Variants in SHANK2 observed in about 807,000 individuals in gnomAD.
The protein encoded by SHANK2 is SH3 and multiple ankyrin repeat domains protein 2.
Under a neutral mutation model 133.7 loss-of-function variants are expected in SHANK2, and 43 were observed. That is an observed-to-expected ratio of 0.32 (90% CI 0.25 to 0.41). The LOEUF is 0.41. Among genes scored for constraint, SHANK2 ranks in the 10% least tolerant of loss-of-function variants. The probability of loss-of-function intolerance (pLI) is 1.00; values close to 1 mark genes in which losing one functional copy is unlikely to be tolerated. For missense variants in SHANK2, 1,994 were observed against 2,235.8 expected (o/e 0.89, Z 2.18); for synonymous variants, 1,017 against 952.8 (o/e 1.07, Z -1.24).
intron 1 of SHANK2, among the ~76,000 whole-genome samples, chr11:71,234,521 G>GC (rs1276406336): frequency 6.6e-6 from 1 of 152,100 alleles, no homozygotes. Flanking sequence ...CACAGGAAAT[G>GC]CCCCCCGCCC....
intron 15 of SHANK2, among the ~76,000 whole-genome samples, chr11:70,667,573 G>A (rs371350218): frequency 3.5e-4 from 53 of 152,302 alleles, no homozygotes; most frequent in African/African-American, 1.2e-3. Context: ...TGGGCGCCAT[G>A]ACAGACTCAC....
rs1555056674 is a variant in SHANK2, at chr11:70,823,842, G to GGC, written c.1175-3161_1175-3160insGC. Among the ~76,000 whole-genome samples the GGC allele has an allele frequency of 1.4e-3, 213 of 150,866 alleles. 1 individual carries two copies. The highest frequency in any genetic ancestry group is 5.1e-3 in the African/African-American group (208 of 40,988). ...GTTCATGAGGGACAGAGGTGGCGTT[G>GGC]ACAGAGCTCCTGGGGGACAGAGGTG... On this transcript the variant is annotated intron_variant, in intron 11 of 25. Transcript: ENST00000601538.
intron 9 of SHANK2, among the ~76,000 whole-genome samples, chr11:71,064,787 C>G (rs954724623): frequency 5.3e-5 from 8 of 152,152 alleles, no homozygotes; most frequent in African/African-American, 1.9e-4. Flanking sequence ...CGGGCCTGAG[C>G]TCCAGGGGAA....
At chr11:70,669,607 T>C (rs1321814534) in intron 15 of SHANK2, 1 of 152,586 alleles carries the variant, frequency 6.6e-6, no homozygotes, top group East Asian at 1.9e-4. Flanking sequence ...TCCAGCTGTC[T>C]CCGAGGGTTG....
chr11:71,164,959 CCTTT>C (rs1207106426), intron 2 of SHANK2, among the ~76,000 whole-genome samples: 2 of 152,126 alleles, frequency 1.3e-5, no homozygotes, highest in Non-Finnish European at 2.9e-5. Flanking sequence ...GAGGTGGGTT[CCTTT>C]AATTCCTATT....
At chr11:70,690,264 GA>G (rs1324055011) in intron 15 of SHANK2, among the ~76,000 whole-genome samples, 3 of 148,656 alleles carry the variant, frequency 2.0e-5, no homozygotes, top group East Asian at 3.9e-4. Flanking sequence ...TCTCCCACGA[GA>G]AAAAAAAAGG....
intron 10 of SHANK2, among the ~76,000 whole-genome samples, chr11:70,899,858 C>A (rs1357746013): frequency 6.6e-6 from 1 of 152,216 alleles, no homozygotes; most frequent in Non-Finnish European, 1.5e-5. Flanking sequence ...CGGAGGGATG[C>A]GGCCCCAGAG....
intron 17 of SHANK2, among the ~76,000 whole-genome samples, chr11:70,524,459 G>A (rs1340871723): frequency 6.6e-6 from 1 of 152,170 alleles, no homozygotes; most frequent in Admixed American, 6.5e-5. Flanking sequence ...CCAGACACTC[G>A]GATGCAGCTA....
At chr11:70,664,557 T>C (rs1374724557) in intron 15 of SHANK2, among the ~76,000 whole-genome samples, 6 of 152,298 alleles carry the variant, frequency 3.9e-5, no homozygotes, top group African/African-American at 1.4e-4. Context: ...GCTGATCAAG[T>C]CCATCTCCAC....
intron 11 of SHANK2, chr11:70,826,472 T>G (rs1296320435): frequency 2.1e-6 from 1 of 470,962 alleles, no homozygotes; most frequent in Non-Finnish European, 4.4e-6. Flanking sequence ...CTTACCTTCC[T>G]TCTTGGTGAA....
At chr11:71,123,841 T>C (rs1365606587) in intron 3 of SHANK2, among the ~76,000 whole-genome samples, 1 of 152,134 alleles carries the variant, frequency 6.6e-6, no homozygotes, top group African/African-American at 2.4e-5. Context: ...AGGAAACAAC[T>C]CTCTTCTCCT....
intron 14 of SHANK2, among the ~76,000 whole-genome samples, chr11:70,763,768 C>T (rs1343143490): frequency 1.3e-5 from 2 of 152,098 alleles, no homozygotes; most frequent in Non-Finnish European, 2.9e-5. Context: ...CCCCTAGAAC[C>T]ACACCCAGGG....
chr11:71,059,188 G>T (rs1457025541), intron 9 of SHANK2, among the ~76,000 whole-genome samples: 1 of 152,158 alleles, frequency 6.6e-6, no homozygotes, highest in Non-Finnish European at 1.5e-5. Flanking sequence ...TTGCACTCCA[G>T]CCTGGGCAAC....
At chr11:70,699,656 G>A (rs1945477624) in intron 14 of SHANK2, among the ~76,000 whole-genome samples, 1 of 152,198 alleles carries the variant, frequency 6.6e-6, no homozygotes, top group Non-Finnish European at 1.5e-5. Flanking sequence ...ACCCCAAAAT[G>A]CACATTTGCA....
chr11:70,476,456 T>G (rs994311855), intron 25 of SHANK2, among the ~76,000 whole-genome samples: 3 of 152,068 alleles, frequency 2.0e-5, no homozygotes, highest in African/African-American at 4.8e-5. Flanking sequence ...AACTTAAAAC[T>G]GGGGGTGCTG....
intron 14 of SHANK2, among the ~76,000 whole-genome samples, chr11:70,756,088 C>A (rs976095743): frequency 6.6e-6 from 1 of 152,080 alleles, no homozygotes; most frequent in Non-Finnish European, 1.5e-5. Context: ...CTGGCCGCAG[C>A]GGGTTCAGGG....
chr11:70,677,658 C>T (rs556196852), intron 15 of SHANK2, among the ~76,000 whole-genome samples: 19 of 152,252 alleles, frequency 1.2e-4, no homozygotes, highest in Admixed American at 3.9e-4. Context: ...CTCCAAGAAG[C>T]GGGCAGGCAG....
intron 14 of SHANK2, among the ~76,000 whole-genome samples, chr11:70,792,203 C>T (rs1555048171): frequency 6.6e-6 from 1 of 152,050 alleles, no homozygotes; most frequent in Non-Finnish European, 1.5e-5. Context: ...AATCAACCAA[C>T]CAACCAACCA....
At chr11:71,080,898 C>T (rs1363318290) in intron 8 of SHANK2, among the ~76,000 whole-genome samples, 5 of 152,190 alleles carry the variant, frequency 3.3e-5, no homozygotes, top group Non-Finnish European at 4.4e-5. Context: ...TGCAGGAACA[C>T]GGGCAGCGGA....
Sources: allele counts gnomAD v4.1 joint callset (sites outside exome capture counted in the v4.1 genomes callset), GRCh38; gene constraint gnomAD v4.1.1; transcripts MANE v1.5; gene names NCBI Gene and HGNC (gene_info 2026-07-23, HGNC 2026-07-21).